Variants in CAPN2 observed in about 807,000 individuals in gnomAD.
CAPN2 encodes the protein calpain-2 catalytic subunit.
Under a neutral mutation model 102.3 loss-of-function variants are expected in CAPN2, and 92 were observed. That is an observed-to-expected ratio of 0.90 (90% CI 0.76 to 1.07). The LOEUF (loss-of-function observed/expected upper bound fraction) is 1.07. CAPN2 is among the 50% of genes least tolerant of loss of function. The pLI is 0.00. For synonymous variants in CAPN2, 340 were observed against 355.4 expected (o/e 0.96, Z 0.49); for missense variants, 800 against 909.4 (o/e 0.88, Z 1.55).
chr1:223,720,440 T>C (rs1660022987), intron 2 of CAPN2, among the ~76,000 whole-genome samples: 1 of 150,704 alleles, frequency 6.6e-6, no homozygotes, highest in Admixed American at 6.7e-5. Context: ...CTCAGCCTTC[T>C]GAGTACCTGG....
intron 15 of CAPN2, 129 bp from the exon 16 acceptor site, chr1:223,766,238 T>C: frequency 1.5e-6 from 1 of 686,750 alleles, no homozygotes; most frequent in Non-Finnish European, 2.6e-6. Context: ...CACATGTGGC[T>C]ATTTAATATA....
intron 14 of CAPN2, 48 bp from the exon 15 acceptor site, chr1:223,764,102 C>G: frequency 6.7e-7 from 1 of 1,501,962 alleles, no homozygotes; most frequent in Non-Finnish European, 9.3e-7. Context: ...TGTGCTCATC[C>G]AGCTCCCACG....
intron 14 of CAPN2, among the ~76,000 whole-genome samples, chr1:223,763,915 A>G (rs1661247391): frequency 6.6e-6 from 1 of 152,168 alleles, no homozygotes; most frequent in Admixed American, 6.5e-5. Context: ...AGTCCAGCCC[A>G]GCCTGGGTGT....
chr1:223,711,583 G>A (rs1659728450), upstream of CAPN2, among the ~76,000 whole-genome samples: 1 of 152,024 alleles, frequency 6.6e-6, no homozygotes, highest in Admixed American at 6.6e-5. Flanking sequence ...ACATTTGGGA[G>A]GGTTGTTGTT....
chr1:223,723,882 T>C (rs375822539), intron 2 of CAPN2, among the ~76,000 whole-genome samples: 8 of 109,306 alleles, frequency 7.3e-5, no homozygotes, highest in Admixed American at 2.9e-4. Flanking sequence ...CCATATACTT[T>C]CCTGCAAAGC....
rs372591359 is a variant in CAPN2, at chr1:223,744,164, C to G, written c.372C>G (p.Val124=). 1 of 1,614,152 alleles carries G rather than the reference C, an allele frequency of 6.2e-7. No individual in the cohort carries two copies. Among genetic ancestry groups the G allele is most frequent in the Non-Finnish European group, 8.5e-7 (1 of 1,179,990 alleles). The change falls in exon 3 of 21, where the codon GTC becomes GTG. Residue 124 remains valine, a synonymous_variant. Transcript: ENST00000295006. Reference sequence around the variant, plus strand: ...TGAATGAAGAAATCCTGGCTCGAGTCGTCCCCCTAAACCAGAGCTTCCAGG... The same window carrying G: ...TGAATGAAGAAATCCTGGCTCGAGTGGTCCCCCTAAACCAGAGCTTCCAGG... ...LTLNEEILAR[V]VPLNQSFQEN...
chr1:223,703,641 A>AT (rs1222485763), intron 1 of CAPN2, among the ~76,000 whole-genome samples: 14 of 152,122 alleles, frequency 9.2e-5, no homozygotes, highest in Non-Finnish European at 4.4e-5. Context: ...ATCTCTTTTC[A>AT]TAGGTGTAAG....
rs1054804096 is a variant in CAPN2 at position 223,756,966 on chromosome 1, C to T, written c.1306-403C>T. 6.6e-6 allele frequency among the ~76,000 whole-genome samples: 1 copy of T among 152,194 alleles called. No homozygotes were observed. Among genetic ancestry groups the T allele is most frequent in the African/African-American group, 2.4e-5 (1 of 41,448 alleles). On this transcript the variant is annotated intron_variant, in intron 10 of 20. Coordinates refer to ENST00000295006, the MANE Select transcript of CAPN2 (RefSeq NM_001748.5). The surrounding 1 kb of genome is among the most constrained non-coding windows in gnomAD (Gnocchi z 4.1). The stretch of plus-strand genomic sequence containing the variant: ...GAGAGGGGACTTGCTCAAGGAAATG[C>T]AGACCGGACCACTGGACCTGGCTGA...
chr1:223,766,908 T>A (rs1323597264), intron 16 of CAPN2, among the ~76,000 whole-genome samples: 1 of 150,956 alleles, frequency 6.6e-6, no homozygotes, highest in Non-Finnish European at 1.5e-5. Flanking sequence ...TGCAGTGAGC[T>A]GAGATCGCGC....
intron 15 of CAPN2, among the ~76,000 whole-genome samples, chr1:223,765,436 G>T (rs567860860): frequency 7.2e-5 from 11 of 152,346 alleles, no homozygotes; most frequent in African/African-American, 2.6e-4. Flanking sequence ...CCAGGCACAA[G>T]TGAGGTCACA....
rs1378498601 is a variant in CAPN2, at chr1:223,737,711, GGGT to G, written c.308-6386_308-6384del. Among the ~76,000 whole-genome samples, 836 of 30,776 alleles carry G rather than the reference GGGT, an allele frequency of 0.027. 118 individuals are homozygous for G. In the East Asian group the frequency reaches 0.3, roughly 11 times the overall value. 20.2% of individuals were successfully genotyped at this position (30,776 alleles called of 152,430 possible). ...GCCTGACCAAAAGAGACGGGGCGGG[GGGT>G]GGGGGGGAGAGAATACAATAACACC... On this transcript the variant is annotated intron_variant, in intron 2 of 20. Transcript: ENST00000295006.
rs768831267 is a variant in CAPN2 at position 223,759,354 on chromosome 1, C to G, written c.1402C>G (p.Leu468Val). The G allele has an allele frequency of 3.8e-5, 61 of 1,614,112 alleles. No individual in the cohort carries two copies. The highest frequency in any genetic ancestry group is 5.0e-5 in the Non-Finnish European group (59 of 1,180,046). The stretch of plus-strand genomic sequence containing the variant: ...GGAGCGCTCAGACACCTTCATCAAC[C>G]TCCGGGAGGTGCTCAACCGCTTCAA... The part of the protein sequence containing the change: ...ARERSDTFIN[L>V]REVLNRFKLP... The change falls in exon 12 of 21, where the codon CTC (leucine) becomes GTC (valine). Residue 468 changes from leucine to valine, a missense_variant. By Grantham distance (32) the Leu-to-Val change is conservative. Transcript: ENST00000295006. This position sits in a 1 kb window ranked among gnomAD's most constrained non-coding sequence, Gnocchi z 4.6.
chr1:223,752,078 T>C lies in CAPN2; in HGVS notation c.974+7T>C. On this transcript the variant is annotated splice_region_variant and intron_variant, in intron 8 of 20. Coordinates refer to ENST00000295006, the MANE Select transcript of CAPN2 (RefSeq NM_001748.5). ...ATGAAGATGGAGAATTCTGGTAAGA[T>C]TAGTGGAGGCTTCAGGGAAAGCTCT... 3.1e-6 allele frequency: 5 copies of C among 1,596,100 alleles called. No individual in the cohort carries two copies. Among genetic ancestry groups the C allele is most frequent in the Non-Finnish European group, 4.3e-6 (5 of 1,163,742 alleles).
chr1:223,751,547 A>ACTCT, intron 7 of CAPN2, among the ~76,000 whole-genome samples: 1 of 152,130 alleles, frequency 6.6e-6, no homozygotes, highest in East Asian at 1.9e-4. Flanking sequence ...TACCCTGTGC[A>ACTCT]CTGCCCCTGT....
chr1:223,769,740 G>A lies in CAPN2; in HGVS notation c.1756-101G>A, dbSNP rs896160330. ...GGATCCTTCTGCAAACCCTCCTTGT[G>A]TATATGCTATGATATTCAAAAGATC... On this transcript the variant is annotated intron_variant, in intron 16 of 20. Coordinates refer to ENST00000295006, the MANE Select transcript of CAPN2 (RefSeq NM_001748.5). The A allele has an allele frequency of 9.4e-6, 8 of 850,622 alleles. No individual in the cohort carries two copies. The African/African-American group carries it at 1.3e-4, about 14-fold the overall frequency. The allele number at this position is 850,622 out of a possible 1,614,324, so 52.7% of individuals were successfully genotyped here. A position where few individuals can be genotyped will look rare whatever the true frequency, so the allele number is the denominator to read the frequency against.
intron 2 of CAPN2, among the ~76,000 whole-genome samples, chr1:223,730,344 T>G (rs992767903): frequency 6.6e-6 from 1 of 151,704 alleles, no homozygotes; most frequent in Non-Finnish European, 1.5e-5. Flanking sequence ...ATGAGATTTT[T>G]TTTTTTTTTA....
At position 223,725,026 on chromosome 1, in the gene CAPN2, G is replaced by A. The variant is rs544284417; in HGVS notation, c.307+7195G>A. 9.2e-5 allele frequency among the ~76,000 whole-genome samples: 14 copies of A among 152,280 alleles called. No homozygotes were observed. Among genetic ancestry groups the A allele is most frequent in the East Asian group, 3.9e-4 (2 of 5,182 alleles). On this transcript the variant is annotated intron_variant, in intron 2 of 20. Transcript: ENST00000295006. The surrounding 1 kb of genome is among the most constrained non-coding windows in gnomAD (Gnocchi z 4.1). ...AAACATCTGTAAATATCAGGGTAGCGAATGAGGACTTGGTGTCTGGCAGTT... is the reference window on the plus strand; with the variant it reads ...AAACATCTGTAAATATCAGGGTAGCAAATGAGGACTTGGTGTCTGGCAGTT...
intron 2 of CAPN2, among the ~76,000 whole-genome samples, chr1:223,741,308 A>G (rs1171659918): frequency 6.6e-6 from 1 of 151,880 alleles, no homozygotes. Context: ...TAGGATTTCA[A>G]ATGCTTCCCA....
chr1:223,718,774 A>G (rs979744796), intron 2 of CAPN2, among the ~76,000 whole-genome samples: 1 of 152,228 alleles, frequency 6.6e-6, no homozygotes, highest in African/African-American at 2.4e-5. Flanking sequence ...TCTGTTACTC[A>G]TATACTCCTA....
Sources: gnomAD v4.1 joint callset for allele counts (sites outside exome capture counted in the v4.1 genomes callset) on GRCh38, gnomAD v4.1.1 for gene constraint, Gnocchi (gnomAD v3.1) non-coding constraint, MANE v1.5 for transcripts, NCBI Gene and HGNC (gene_info 2026-07-23, HGNC 2026-07-21) for gene names.